Variants in CDKN2B-AS1 observed in about 807,000 individuals in gnomAD.
The protein encoded by CDKN2B-AS1 is CDKN2B and CDKN2A antisense cis and trans regulatory RNA 1.
intron 4 of CDKN2B-AS1, among the ~76,000 whole-genome samples, chr9:22,062,954 TTG>T (rs571212371): frequency 4.3e-5 from 6 of 139,318 alleles, no homozygotes; most frequent in South Asian, 2.4e-4. Flanking sequence ...GAAAAGTGAC[TTG>T]TGTGTGTGTG....
In CDKN2B-AS1 at chr9:22,005,046, C is replaced by T. The variant is rs1821096398; in HGVS notation, n.29+9885C>T. On this transcript the variant is annotated intron_variant and non_coding_transcript_variant, in intron 1 of 4. Transcript: ENST00000650946. This position sits in a 1 kb window ranked among gnomAD's most constrained non-coding sequence, Gnocchi z 4.9. ...ATTAAATAAGACAGTTGCTGAACAA[C>T]TAAAAAGTACAAAATATCACAAAAT... 1 of 232,738 alleles carries T rather than the reference C, an allele frequency of 4.3e-6. No individual in the cohort carries two copies. The highest frequency in any genetic ancestry group is 6.0e-5 in the East Asian group (1 of 16,560). The allele number at this position is 232,738 out of a possible 1,614,324, so 14.4% of individuals were successfully genotyped here. A position where few individuals can be genotyped will look rare whatever the true frequency, so the allele number is the denominator to read the frequency against.
chr9:22,010,882 T>C (rs1166112916), intron 1 of CDKN2B-AS1, among the ~76,000 whole-genome samples: 1 of 152,180 alleles, frequency 6.6e-6, no homozygotes, highest in Non-Finnish European at 1.5e-5. Flanking sequence ...GTAGTAAATA[T>C]GTCAGAAAAA....
chr9:22,082,089 G>C (rs1034658390), intron 4 of CDKN2B-AS1, among the ~76,000 whole-genome samples: 1 of 152,090 alleles, frequency 6.6e-6, no homozygotes, highest in African/African-American at 2.4e-5. Context: ...CTTTAAACTG[G>C]TCCCCAGTTC....
At chr9:22,012,546 C>G (rs1254103069) in intron 1 of CDKN2B-AS1, 1 of 582,656 alleles carries the variant, frequency 1.7e-6, no homozygotes, top group Non-Finnish European at 3.3e-6. Flanking sequence ...TAAGGCTCTT[C>G]CTTCCTCGGA....
At chr9:22,090,242 G>T (rs1825029701) in intron 4 of CDKN2B-AS1, among the ~76,000 whole-genome samples, 1 of 152,030 alleles carries the variant, frequency 6.6e-6, no homozygotes, top group South Asian at 2.1e-4. Flanking sequence ...GGACATTTGG[G>T]TTGGTTCCAA....
At chr9:22,072,643 T>C (rs964989498) in intron 4 of CDKN2B-AS1, among the ~76,000 whole-genome samples, 1 of 152,254 alleles carries the variant, frequency 6.6e-6, no homozygotes, top group Non-Finnish European at 1.5e-5. Flanking sequence ...TTAGATGATA[T>C]AGTCTCAGTC....
chr9:22,103,859 A>G (rs1437822656), intron 4 of CDKN2B-AS1, among the ~76,000 whole-genome samples: 3 of 152,246 alleles, frequency 2.0e-5, no homozygotes, highest in African/African-American at 7.2e-5. Context: ...ATGTCCTTAC[A>G]TAACACTGAT....
intron 1 of CDKN2B-AS1, among the ~76,000 whole-genome samples, chr9:22,036,441 TAAC>T (rs778980750): frequency 7.9e-5 from 12 of 152,140 alleles, no homozygotes; most frequent in Non-Finnish European, 1.5e-5. Context: ...TCTAGAGGTA[TAAC>T]AACAGTGTGT....
At chr9:22,077,644 T>A (rs1416112287) in intron 4 of CDKN2B-AS1, 1 of 152,168 alleles carries the variant, frequency 6.6e-6, no homozygotes, top group Non-Finnish European at 1.5e-5. Flanking sequence ...ATCAAAATAA[T>A]TTTTCTTGGT....
At chr9:22,097,569 C>G (rs1825326535) in intron 4 of CDKN2B-AS1, among the ~76,000 whole-genome samples, 1 of 152,172 alleles carries the variant, frequency 6.6e-6, no homozygotes, top group Non-Finnish European at 1.5e-5. Flanking sequence ...ATACCACTAG[C>G]TTTTGCTTTC....
intron 1 of CDKN2B-AS1, chr9:22,030,555 T>C (rs1375579791): frequency 6.6e-6 from 1 of 152,084 alleles, no homozygotes; most frequent in South Asian, 2.1e-4. Flanking sequence ...AAAGATGAGG[T>C]ATGGACATAG....
intron 4 of CDKN2B-AS1, among the ~76,000 whole-genome samples, chr9:22,094,198 G>A (rs1302960674): frequency 6.9e-6 from 1 of 143,988 alleles, no homozygotes; most frequent in Non-Finnish European, 1.5e-5. Flanking sequence ...CTGTTAGTCT[G>A]ATGGGCTTCC....
At position 22,039,127 on chromosome 9, in the gene CDKN2B-AS1, A is replaced by C. The variant is rs1822804350; in HGVS notation, n.30-7624A>C. 6.6e-6 allele frequency among the ~76,000 whole-genome samples: 1 copy of C among 152,028 alleles called. No homozygotes were observed. The highest frequency in any genetic ancestry group is 1.5e-5 in the Non-Finnish European group (1 of 67,962). ...AGGGAACAGTACCTTAAAAATATTC[A>C]AAATGACAAAAACTTAAAATGACAT... is the stretch of plus-strand genomic sequence containing the variant. On this transcript the variant is annotated intron_variant and non_coding_transcript_variant, in intron 1 of 4. Transcript: ENST00000650946. This position sits in a 1 kb window ranked among gnomAD's most constrained non-coding sequence, Gnocchi z 4.4.
chr9:22,072,296 A>T (rs1434567666), intron 4 of CDKN2B-AS1, among the ~76,000 whole-genome samples: 1 of 152,186 alleles, frequency 6.6e-6, no homozygotes, highest in East Asian at 1.9e-4. Context: ...AATTAATTTG[A>T]TTCACGAAAG....
intron 4 of CDKN2B-AS1, chr9:22,117,589 CAG>C (rs1254936924): frequency 6.6e-6 from 1 of 152,342 alleles, no homozygotes; most frequent in African/African-American, 2.4e-5. Context: ...TAGGAAAAAA[CAG>C]GGGGCTGACT....
chr9:22,030,408 A>T (rs1046299148), intron 1 of CDKN2B-AS1: 1 of 152,088 alleles, frequency 6.6e-6, no homozygotes, highest in Non-Finnish European at 1.5e-5. Context: ...CTTTTACTCT[A>T]TTTAGTTTGT....
chr9:22,001,194 G>C lies in CDKN2B-AS1; in HGVS notation n.29+6033G>C, dbSNP rs1380253973. 6.6e-6 allele frequency among the ~76,000 whole-genome samples: 1 copy of C among 152,138 alleles called. No homozygotes were observed. Among genetic ancestry groups the C allele is most frequent in the Admixed American group, 6.5e-5 (1 of 15,274 alleles). On this transcript the variant is annotated intron_variant and non_coding_transcript_variant, in intron 1 of 4. Coordinates refer to ENST00000650946, the Ensembl canonical transcript of CDKN2B-AS1. The surrounding 1 kb of genome is among the most constrained non-coding windows in gnomAD (Gnocchi z 4.2). ...GAGAGGATAGATAGATTATGCATTT[G>C]GGGAGGAGGCCAAATATGAGAAATA...
intron 4 of CDKN2B-AS1, among the ~76,000 whole-genome samples, chr9:22,111,545 G>T (rs1035151434): frequency 1.3e-5 from 2 of 151,340 alleles, no homozygotes; most frequent in Non-Finnish European, 2.9e-5. Context: ...GTGATCAGAT[G>T]TCAAAATGTG....
chr9:22,003,879 C>CTT lies in CDKN2B-AS1; in HGVS notation n.29+8725_29+8726dup, dbSNP rs149822153. 3.9e-5 allele frequency: 9 copies of CTT among 231,550 alleles called. No homozygotes were observed. The South Asian group carries it at 7.3e-4, about 19-fold the overall frequency. 14.3% of individuals were successfully genotyped at this position (231,550 alleles called of 1,614,324 possible). On this transcript the variant is annotated intron_variant and non_coding_transcript_variant, in intron 1 of 4. Coordinates refer to ENST00000650946, the Ensembl canonical transcript of CDKN2B-AS1. The stretch of plus-strand genomic sequence containing the variant: ...CAAGGGAGATCATTGTGTATTTCTG[C>CTT]TTTTTTTTAAAAAAAGTTATCTTCA...
Sources: allele counts gnomAD v4.1 joint callset (sites outside exome capture counted in the v4.1 genomes callset), GRCh38; gene constraint gnomAD v4.1.1; non-coding constraint Gnocchi (gnomAD v3.1); transcripts MANE v1.5; gene names NCBI Gene and HGNC (gene_info 2026-07-23, HGNC 2026-07-21).